Variants in SLC9A9 observed in about 807,000 individuals in gnomAD.
SLC9A9 encodes the protein sodium/hydrogen exchanger 9.
A neutral mutation model predicts 77.8 loss-of-function variants in SLC9A9; 62 were observed. That is an observed-to-expected ratio of 0.80 (90% CI 0.65 to 0.98). The LOEUF is 0.98. Among genes scored for constraint, SLC9A9 ranks in the 50% least tolerant of loss-of-function variants. The pLI is 0.00. For missense variants in SLC9A9, 775 were observed against 774.9 expected (o/e 1.00, Z 0.00); for synonymous variants, 320 against 283.5 (o/e 1.13, Z -1.29).
chr3:143,356,808 C>T (rs957271085), intron 14 of SLC9A9, among the ~76,000 whole-genome samples: 2 of 152,176 alleles, frequency 1.3e-5, no homozygotes, highest in South Asian at 2.1e-4. Context: ...AGCCACTGAA[C>T]CCAGCCTCTT....
intron 9 of SLC9A9, among the ~76,000 whole-genome samples, chr3:143,514,961 C>T (rs74417273): frequency 0.02 from 3,093 of 152,268 alleles, 101 homozygotes; most frequent in African/African-American, 0.069. Flanking sequence ...ACCTAGCTTT[C>T]GGCCTGTCCT....
intron 4 of SLC9A9, among the ~76,000 whole-genome samples, chr3:143,695,010 A>C (rs919224220): frequency 1.3e-5 from 2 of 152,124 alleles, no homozygotes; most frequent in Non-Finnish European, 2.9e-5. Flanking sequence ...AAAGACTGTC[A>C]GTGGGACACA....
intron 9 of SLC9A9, among the ~76,000 whole-genome samples, chr3:143,546,352 G>A (rs533884624): frequency 2.0e-5 from 3 of 152,304 alleles, no homozygotes; most frequent in Admixed American, 2.0e-4. Context: ...TAATGAAGAT[G>A]TCATTGTTTG....
intron 8 of SLC9A9, among the ~76,000 whole-genome samples, chr3:143,569,497 T>C (rs1480136911): frequency 6.6e-6 from 1 of 152,188 alleles, no homozygotes; most frequent in Non-Finnish European, 1.5e-5. Flanking sequence ...AAATTCCAGT[T>C]GGTTTCTGAT....
At chr3:143,695,505 G>A (rs1268255592) in intron 4 of SLC9A9, among the ~76,000 whole-genome samples, 1 of 152,102 alleles carries the variant, frequency 6.6e-6, no homozygotes, top group Non-Finnish European at 1.5e-5. Flanking sequence ...TCCCTGCAAG[G>A]GACATGAATT....
chr3:143,488,010 AAG>A (rs1336691913), intron 11 of SLC9A9, among the ~76,000 whole-genome samples: 3 of 151,836 alleles, frequency 2.0e-5, no homozygotes, highest in Non-Finnish European at 3.0e-5. Context: ...ACTAAGAAAA[AAG>A]AGAGAAGATT....
In SLC9A9 at chr3:143,767,370, C is replaced by CTGTG. The variant is rs1304114618; in HGVS notation, c.533+27627_533+27630dup. Among the ~76,000 whole-genome samples, 184 of 117,586 alleles carry CTGTG rather than the reference C, an allele frequency of 1.6e-3. 1 individual carries two copies. Among genetic ancestry groups the CTGTG allele is most frequent in the African/African-American group, 7.0e-3 (166 of 23,802 alleles). The allele number at this position is 117,586 out of a possible 152,430, so 77.1% of individuals were successfully genotyped here. On this transcript the variant is annotated intron_variant, in intron 4 of 15. Transcript: ENST00000316549. ...ATTTGGTTTGTGAAACAGTAAGTGT[C>CTGTG]TGTGTATGTGTGTGTGTGTGTGTGT... is the stretch of plus-strand genomic sequence containing the variant.
intron 13 of SLC9A9, among the ~76,000 whole-genome samples, chr3:143,380,665 T>C (rs2033282095): frequency 6.6e-6 from 1 of 152,208 alleles, no homozygotes; most frequent in Non-Finnish European, 1.5e-5. Flanking sequence ...CATCCTGCAG[T>C]TAGGTGTGTT....
intron 12 of SLC9A9, among the ~76,000 whole-genome samples, chr3:143,418,460 C>G (rs762249462): frequency 9.9e-5 from 15 of 151,900 alleles, no homozygotes; most frequent in Admixed American, 2.6e-4. Context: ...TAAACATGAG[C>G]CTTTAAAAGA....
chr3:143,702,947 G>T (rs1163348520), intron 4 of SLC9A9, among the ~76,000 whole-genome samples: 1 of 152,038 alleles, frequency 6.6e-6, no homozygotes, highest in African/African-American at 2.4e-5. Flanking sequence ...AGATAAACTA[G>T]ATTTCAAGAC....
intron 1 of SLC9A9, among the ~76,000 whole-genome samples, chr3:143,840,672 A>G (rs1425974652): frequency 6.6e-6 from 1 of 152,192 alleles, no homozygotes; most frequent in Non-Finnish European, 1.5e-5. Flanking sequence ...GGAACATTTC[A>G]GAGGCTTCAA....
chr3:143,779,375 G>T (rs1284901013), intron 4 of SLC9A9, among the ~76,000 whole-genome samples: 1 of 151,814 alleles, frequency 6.6e-6, no homozygotes, highest in Non-Finnish European at 1.5e-5. Context: ...TGGGTTTTTT[G>T]TTTGTTTGTT....
chr3:143,291,317 C>T (rs1013131144), intron 14 of SLC9A9, among the ~76,000 whole-genome samples: 2 of 152,168 alleles, frequency 1.3e-5, no homozygotes, highest in African/African-American at 2.4e-5. Flanking sequence ...GAGACTTAGC[C>T]TCATCCAGCC....
intron 2 of SLC9A9, among the ~76,000 whole-genome samples, chr3:143,815,779 T>C (rs1365048833): frequency 6.6e-6 from 1 of 152,014 alleles, no homozygotes; most frequent in African/African-American, 2.4e-5. Flanking sequence ...GACAGGAGAA[T>C]CGCTTGAACC....
intron 9 of SLC9A9, chr3:143,504,086 C>A: frequency 2.0e-6 from 1 of 503,658 alleles, no homozygotes; most frequent in South Asian, 1.5e-5. Context: ...TTCCCGTTCT[C>A]AGCCTTGATG....
At chr3:143,293,382 C>T (rs538276899) in intron 14 of SLC9A9, among the ~76,000 whole-genome samples, 1 of 152,254 alleles carries the variant, frequency 6.6e-6, no homozygotes, top group East Asian at 1.9e-4. Flanking sequence ...ATATTGTGTA[C>T]ATAAAGTTAG....
intron 8 of SLC9A9, among the ~76,000 whole-genome samples, chr3:143,566,112 C>G (rs909849682): frequency 6.6e-6 from 1 of 152,132 alleles, no homozygotes; most frequent in Non-Finnish European, 1.5e-5. Flanking sequence ...GAAATCTCAA[C>G]ATGTCCAGTA....
intron 13 of SLC9A9, among the ~76,000 whole-genome samples, chr3:143,366,620 G>T (rs2032909447): frequency 6.6e-6 from 1 of 151,514 alleles, no homozygotes; most frequent in East Asian, 2.0e-4. Context: ...AACAGTAATA[G>T]CTATACTTGA....
At chr3:143,745,391 T>C (rs1935177215) in intron 4 of SLC9A9, among the ~76,000 whole-genome samples, 1 of 152,250 alleles carries the variant, frequency 6.6e-6, no homozygotes, top group Non-Finnish European at 1.5e-5. Flanking sequence ...ACCACAATTT[T>C]ATCTCTTGGG....
Sources: gnomAD v4.1 joint callset for allele counts (sites outside exome capture counted in the v4.1 genomes callset) on GRCh38, gnomAD v4.1.1 for gene constraint, MANE v1.5 for transcripts, NCBI Gene and HGNC (gene_info 2026-07-23, HGNC 2026-07-21) for gene names.